The following TRPC7 variants were observed in gnomAD, a reference collection of about 807,000 sequenced individuals.
TRPC7 encodes the protein transient receptor potential cation channel subfamily C member 7, also known as short transient receptor potential channel 7.
In TRPC7, 42 loss-of-function variants were observed where a neutral mutation model predicts 90.1. That is an observed-to-expected ratio of 0.47 (90% CI 0.36 to 0.60). TRPC7 has a LOEUF of 0.60. Ranked by LOEUF, TRPC7 falls within the 20% of genes least tolerant of loss-of-function variation. The probability of loss-of-function intolerance (pLI) is 0.00; values close to 1 mark genes in which losing one functional copy is unlikely to be tolerated. For missense variants in TRPC7, 955 were observed against 1,112.3 expected, an observed-to-expected ratio of 0.86 and a Z score of 2.01; for synonymous variants, 451 against 436.3, an observed-to-expected ratio of 1.03 and a Z score of -0.42.
At chr5:136,354,316 C>T (rs575598268) in intron 2 of TRPC7, among the ~76,000 whole-genome samples, 115 of 152,306 alleles carry the variant, frequency 7.6e-4, no homozygotes, top group African/African-American at 2.7e-3. Context: ...ATCTCTACCT[C>T]TACATCCACT....
chr5:136,261,641 G>T (rs1580874757), intron 5 of TRPC7, among the ~76,000 whole-genome samples: 1 of 152,266 alleles, frequency 6.6e-6, no homozygotes, highest in African/African-American at 2.4e-5. Flanking sequence ...CACTCTCTTG[G>T]TTCTTCTCTT....
intron 3 of TRPC7, among the ~76,000 whole-genome samples, chr5:136,312,851 A>G (rs565258947): frequency 2.6e-5 from 4 of 152,260 alleles, no homozygotes; most frequent in Non-Finnish European, 1.5e-5. Context: ...TTTCATAGAC[A>G]TAGAGGCTGA....
chr5:136,234,598 G>A (rs573581032), intron 7 of TRPC7, among the ~76,000 whole-genome samples: 19 of 152,260 alleles, frequency 1.2e-4, no homozygotes, highest in African/African-American at 2.9e-4. Context: ...ATTAGCCACC[G>A]CGCCTGGCCC....
At chr5:136,356,247 A>C (rs549282396) in intron 2 of TRPC7, among the ~76,000 whole-genome samples, 3 of 152,334 alleles carry the variant, frequency 2.0e-5, no homozygotes, top group Admixed American at 2.0e-4. Context: ...CTGCACTAGG[A>C]AATAACCACA....
At chr5:136,355,422 C>T (rs979674793) in intron 2 of TRPC7, among the ~76,000 whole-genome samples, 6 of 152,176 alleles carry the variant, frequency 3.9e-5, no homozygotes, top group African/African-American at 1.4e-4. Flanking sequence ...TAACAGTACT[C>T]ATGTCATATG....
chr5:136,291,835 A>G (rs1757968055), intron 3 of TRPC7, among the ~76,000 whole-genome samples: 1 of 152,224 alleles, frequency 6.6e-6, no homozygotes, highest in Non-Finnish European at 1.5e-5. Flanking sequence ...TCAACAGAAT[A>G]TACATTCTTT....
At chr5:136,274,956 T>C (rs751842453) in intron 3 of TRPC7, 119 bp from the exon 4 acceptor site, 33 of 1,144,930 alleles carry the variant, frequency 2.9e-5, no homozygotes, top group Non-Finnish European at 3.7e-5. Context: ...TGGGGGGTGG[T>C]TGAGGAACCT....
intron 2 of TRPC7, among the ~76,000 whole-genome samples, chr5:136,321,831 C>G (rs1759208659): frequency 6.6e-6 from 1 of 152,126 alleles, no homozygotes. Context: ...GGTCCTTTCC[C>G]TCAGCTTGAT....
chr5:136,290,019 C>T (rs1447050307), intron 3 of TRPC7, among the ~76,000 whole-genome samples: 1 of 152,204 alleles, frequency 6.6e-6, no homozygotes, highest in South Asian at 2.1e-4. Flanking sequence ...GCTGCTGATA[C>T]CCAGGCAAAC....
chr5:136,269,876 T>C (rs920615645), intron 4 of TRPC7, among the ~76,000 whole-genome samples: 1 of 151,026 alleles, frequency 6.6e-6, no homozygotes, highest in African/African-American at 2.4e-5. Flanking sequence ...TAATCAGTGT[T>C]CTTACATTAC....
At chr5:136,226,972 A>C (rs1460509922) in intron 8 of TRPC7, among the ~76,000 whole-genome samples, 1 of 152,208 alleles carries the variant, frequency 6.6e-6, no homozygotes, top group Non-Finnish European at 1.5e-5. Context: ...AGTGGCTACC[A>C]CACTGGACAG....
chr5:136,292,122 C>G (rs1454990847), intron 3 of TRPC7, among the ~76,000 whole-genome samples: 2 of 152,218 alleles, frequency 1.3e-5, no homozygotes, highest in Non-Finnish European at 2.9e-5. Flanking sequence ...ATACCAGAAT[C>G]TCTGGGACAC....
chr5:136,274,550 C>T lies in TRPC7; in HGVS notation c.1128+123G>A, dbSNP rs885559. ...GGTTTCCTACTTTCACCGGGTATCT[C>T]AGGAATATTTTCTTTAAATATGGGA... On this transcript the variant is annotated intron_variant, in intron 4 of 11. Transcript: ENST00000513104. 10 of 1,092,160 alleles carry T rather than the reference C, an allele frequency of 9.2e-6. No homozygotes were observed. In the South Asian group the frequency reaches 3.3e-4, roughly 36 times the overall value. The allele number at this position is 1,092,160 out of a possible 1,614,324, so 67.7% of individuals were successfully genotyped here. A position where few individuals can be genotyped will look rare whatever the true frequency, so the allele number is the denominator to read the frequency against.
At position 136,213,567 on chromosome 5, in the gene TRPC7, C is replaced by G. The variant is rs1284061864; in HGVS notation, c.2457G>C (p.Leu819=). ...ATTTTTCCTCAAGAAGCTCATAGCG[C>G]AGGCTGGAGATATCTTGCTTGATTT... The part of the protein sequence containing the change: ...LKEIKQDISS[L]RYELLEEKSQ... Residue 819 remains leucine, a synonymous_variant, in exon 12 of 12, where the codon CTG becomes CTC. Coordinates refer to ENST00000513104, the MANE Select transcript of TRPC7 (RefSeq NM_020389.3). 1.9e-6 allele frequency: 3 copies of G among 1,614,054 alleles called. No individual in the cohort carries two copies. Among genetic ancestry groups the G allele is most frequent in the Non-Finnish European group, 2.5e-6 (3 of 1,179,912 alleles).
chr5:136,336,092 C>G (rs903739281), intron 2 of TRPC7, among the ~76,000 whole-genome samples: 1 of 152,058 alleles, frequency 6.6e-6, no homozygotes, highest in African/African-American at 2.4e-5. Context: ...GCCTTTATGT[C>G]TTTTTTCTCT....
chr5:136,329,253 T>C (rs1035107398), intron 2 of TRPC7, among the ~76,000 whole-genome samples: 9 of 152,152 alleles, frequency 5.9e-5, no homozygotes, highest in Non-Finnish European at 1.2e-4. Context: ...GACTCAGGTA[T>C]TTTATTAGCA....
chr5:136,214,534 A>G (rs888017982), intron 11 of TRPC7: 1 of 152,230 alleles, frequency 6.6e-6, no homozygotes, highest in African/African-American at 2.4e-5. Context: ...CCCCCGTTTC[A>G]TGGTGTAATT....
intron 3 of TRPC7, among the ~76,000 whole-genome samples, chr5:136,297,030 G>C (rs947158537): frequency 6.6e-6 from 1 of 152,082 alleles, no homozygotes; most frequent in African/African-American, 2.4e-5. Context: ...GTCCCTAAAC[G>C]TGATCGCACC....
In TRPC7 at chr5:136,333,535, C is replaced by A. The variant is rs577694860; in HGVS notation, c.781-17756G>T. ...GAAAACCTTTTCAGCAGGAGAATAT[C>A]ATGGTCTGATTTATATTGACATGCT... is the stretch of plus-strand genomic sequence containing the variant. On this transcript the variant is annotated intron_variant, in intron 2 of 11. Coordinates refer to ENST00000513104, the MANE Select transcript of TRPC7 (RefSeq NM_020389.3). 3.9e-5 allele frequency among the ~76,000 whole-genome samples: 6 copies of A among 152,318 alleles called. No individual in the cohort carries two copies. In the East Asian group the frequency reaches 9.6e-4, roughly 24 times the overall value.
Sources: allele counts gnomAD v4.1 joint callset (sites outside exome capture counted in the v4.1 genomes callset), GRCh38; gene constraint gnomAD v4.1.1; transcripts MANE v1.5; gene names NCBI Gene and HGNC (gene_info 2026-07-23, HGNC 2026-07-21).